LRRC4C: variants seen among roughly 807,000 people sequenced by gnomAD.
The protein encoded by LRRC4C is leucine-rich repeat-containing protein 4C.
In LRRC4C, 5 loss-of-function variants were observed where a neutral mutation model predicts 33.6. That is an observed-to-expected ratio of 0.15 (90% CI 0.08 to 0.31). The LOEUF (loss-of-function observed/expected upper bound fraction) is 0.31, where lower values mean the gene tolerates loss of function less well. Ranked by LOEUF, LRRC4C falls within the 10% of genes least tolerant of loss-of-function variation. LRRC4C has a pLI of 1.00. For missense variants in LRRC4C, 560 were observed against 796.7 expected (o/e 0.70, Z 3.58); for synonymous variants, 329 against 302.0 (o/e 1.09, Z -0.93).
chr11:40,218,838 C>A (rs1001189452), intron 5 of LRRC4C, among the ~76,000 whole-genome samples: 7 of 151,976 alleles, frequency 4.6e-5, no homozygotes, highest in African/African-American at 1.4e-4. Flanking sequence ...CTACCTTTCT[C>A]CACACACTCA....
At chr11:40,602,694 C>T (rs1960142643) in intron 3 of LRRC4C, among the ~76,000 whole-genome samples, 1 of 152,148 alleles carries the variant, frequency 6.6e-6, no homozygotes, top group African/African-American at 2.4e-5. Flanking sequence ...TGTGCATCCA[C>T]ATGATGAGGA....
chr11:40,861,755 G>T (rs915596308), intron 2 of LRRC4C, among the ~76,000 whole-genome samples: 1 of 152,186 alleles, frequency 6.6e-6, no homozygotes, highest in African/African-American at 2.4e-5. Context: ...AAGATGCATG[G>T]TGCCAACATC....
At chr11:41,085,949 A>AG (rs1939950779) in intron 1 of LRRC4C, among the ~76,000 whole-genome samples, 1 of 150,044 alleles carries the variant, frequency 6.7e-6, no homozygotes, top group Non-Finnish European at 1.5e-5. Context: ...AAAAAAAAAA[A>AG]AAAGAAAGAA....
rs886840986 is a variant in LRRC4C, at chr11:41,251,675, T to C, written c.-496+207756A>G. Among the ~76,000 whole-genome samples the C allele has an allele frequency of 2.6e-5, 4 of 152,318 alleles. No homozygotes were observed. In the East Asian group the frequency reaches 7.7e-4, roughly 29 times the overall value. On this transcript the variant is annotated intron_variant, in intron 1 of 6. Coordinates refer to ENST00000528697, the MANE Select transcript of LRRC4C (RefSeq NM_001258419.2). ...TTGGAGCCAAACTACCAGAACTGAC[T>C]GACAAAAATGAGTATTAATTATCGT...
At chr11:40,831,474 AT>A in intron 2 of LRRC4C, among the ~76,000 whole-genome samples, 1 of 152,308 alleles carries the variant, frequency 6.6e-6, no homozygotes, top group South Asian at 2.1e-4. Context: ...TGTCATTAAA[AT>A]AATACAAAAA....
intron 1 of LRRC4C, among the ~76,000 whole-genome samples, chr11:40,983,246 C>T (rs982935026): frequency 1.3e-5 from 2 of 152,212 alleles, no homozygotes; most frequent in Non-Finnish European, 2.9e-5. Flanking sequence ...AATCACCACA[C>T]TGTCTTCCAC....
intron 4 of LRRC4C, among the ~76,000 whole-genome samples, chr11:40,302,861 T>C (rs1454462952): frequency 6.6e-6 from 1 of 152,116 alleles, no homozygotes; most frequent in Non-Finnish European, 1.5e-5. Flanking sequence ...GAACAGCAAG[T>C]CTGGAATTTC....
intron 1 of LRRC4C, among the ~76,000 whole-genome samples, chr11:41,036,316 T>G (rs1857060551): frequency 1.3e-5 from 2 of 152,166 alleles, no homozygotes; most frequent in Non-Finnish European, 2.9e-5. Context: ...TTCAAGGCAT[T>G]ATAGCAGATA....
chr11:41,255,732 TA>T (rs5791429), intron 1 of LRRC4C, among the ~76,000 whole-genome samples: 63,034 of 151,130 alleles, frequency 0.42, 14,260 homozygotes, highest in East Asian at 0.62. Context: ...GCATATTATG[TA>T]AAAAAAAATT....
chr11:41,349,287 G>T (rs902766231), intron 1 of LRRC4C, among the ~76,000 whole-genome samples: 3 of 152,008 alleles, frequency 2.0e-5, no homozygotes, highest in Non-Finnish European at 4.4e-5. Context: ...GCACACACTT[G>T]CCTGCAACTT....
At chr11:40,633,450 G>A (rs11035978) in intron 3 of LRRC4C, among the ~76,000 whole-genome samples, 29,228 of 146,912 alleles carry the variant, frequency 0.2, 3,415 homozygotes, top group East Asian at 0.5. Context: ...GTACAGTGGT[G>A]CAATCTAGGC....
intron 4 of LRRC4C, among the ~76,000 whole-genome samples, chr11:40,301,102 G>C (rs1944753278): frequency 6.6e-6 from 1 of 152,190 alleles, no homozygotes; most frequent in South Asian, 2.1e-4. Flanking sequence ...TGGCGAAGGG[G>C]AGCATGTTGA....
At chr11:41,411,756 T>C (rs551440435) in intron 1 of LRRC4C, among the ~76,000 whole-genome samples, 1 of 152,288 alleles carries the variant, frequency 6.6e-6, no homozygotes, top group South Asian at 2.1e-4. Flanking sequence ...GCATGGGTTT[T>C]CTCCCAGAAC....
intron 2 of LRRC4C, among the ~76,000 whole-genome samples, chr11:40,882,536 G>C (rs1411113130): frequency 6.6e-6 from 1 of 151,858 alleles, no homozygotes; most frequent in African/African-American, 2.4e-5. Context: ...GCTCATTTCT[G>C]CATCTTTCTA....
At position 40,115,240 on chromosome 11, in the gene LRRC4C, G is replaced by A; in HGVS notation, c.1053C>T (p.Cys351=). 1.2e-6 allele frequency: 2 copies of A among 1,614,204 alleles called. No homozygotes were observed. The highest frequency in any genetic ancestry group is 1.7e-6 in the Non-Finnish European group (2 of 1,180,040). The stretch of plus-strand genomic sequence containing the variant: ...GGGGCTCCACAATCACCGGAGCATA[G>A]CATGTGAAGTAATTCTGGTCGAGCT... ...IGELDQNYFT[C]YAPVIVEPPA... The change falls in exon 7 of 7, where the codon TGC becomes TGT. Residue 351 remains cysteine, a synonymous_variant. Transcript: ENST00000528697. The surrounding 1 kb of genome is among the most constrained non-coding windows in gnomAD (Gnocchi z 6.7).
intron 1 of LRRC4C, among the ~76,000 whole-genome samples, chr11:41,407,213 C>T (rs1954275834): frequency 6.6e-6 from 1 of 151,758 alleles, no homozygotes; most frequent in Non-Finnish European, 1.5e-5. Context: ...TCAGAGAATA[C>T]TAGCAACTTG....
At chr11:40,240,053 T>C (rs1044556762) in intron 5 of LRRC4C, among the ~76,000 whole-genome samples, 1 of 152,206 alleles carries the variant, frequency 6.6e-6, no homozygotes, top group Non-Finnish European at 1.5e-5. Context: ...GTAACATTTT[T>C]AAGAAGCGTG....
At chr11:40,411,452 C>T (rs1337574298) in intron 3 of LRRC4C, among the ~76,000 whole-genome samples, 2 of 151,976 alleles carry the variant, frequency 1.3e-5, no homozygotes, top group African/African-American at 4.8e-5. Context: ...CCACATTTGC[C>T]TGAGGTCCAT....
intron 1 of LRRC4C, among the ~76,000 whole-genome samples, chr11:41,209,896 A>G (rs537350057): frequency 6.6e-6 from 1 of 152,170 alleles, no homozygotes; most frequent in East Asian, 1.9e-4. Context: ...TTAAGGTTAA[A>G]AGTTGTCTTA....
Sources: allele counts gnomAD v4.1 joint callset (sites outside exome capture counted in the v4.1 genomes callset), GRCh38; gene constraint gnomAD v4.1.1; non-coding constraint Gnocchi (gnomAD v3.1); transcripts MANE v1.5; gene names NCBI Gene and HGNC (gene_info 2026-07-23, HGNC 2026-07-21).